The following TAS2R1 variants were observed in gnomAD, a reference collection of about 807,000 sequenced individuals.
TAS2R1 encodes taste 2 receptor member 1, also known as taste receptor type 2 member 1.
For missense variants in TAS2R1, 370 were observed against 353.4 expected, an observed-to-expected ratio of 1.05 and a Z score of -0.38; for synonymous variants, 141 against 134.2, an observed-to-expected ratio of 1.05 and a Z score of -0.35.
At chr5:9,720,299 G>T in the TAS2R1 span, among the ~76,000 whole-genome samples, 1 of 152,240 alleles carries the variant, frequency 6.6e-6, no homozygotes, top group Non-Finnish European at 1.5e-5. Context: ...TCTGGGCTGG[G>T]CTTTCCTGGG....
At chr5:9,729,409 G>A in the TAS2R1 span, among the ~76,000 whole-genome samples, 6 of 152,188 alleles carry the variant, frequency 3.9e-5, no homozygotes, top group East Asian at 3.9e-4. Context: ...ACTGCTGCTC[G>A]TGGCTCTTTT....
intron 1 of TAS2R1, among the ~76,000 whole-genome samples, chr5:9,682,179 C>T (rs1345272840): frequency 1.3e-5 from 2 of 152,168 alleles, no homozygotes; most frequent in African/African-American, 4.8e-5. Flanking sequence ...CACTATTTTT[C>T]CTTGCCAAAA....
the TAS2R1 span, among the ~76,000 whole-genome samples, chr5:9,816,425 GA>G: frequency 2.6e-5 from 4 of 151,408 alleles, no homozygotes; most frequent in African/African-American, 4.9e-5. Flanking sequence ...TTTAAAAACA[GA>G]AAAAAAATGA....
At chr5:9,797,386 G>C in the TAS2R1 span, among the ~76,000 whole-genome samples, 7 of 152,224 alleles carry the variant, frequency 4.6e-5, no homozygotes, top group African/African-American at 1.7e-4. Context: ...ATAGCATGTG[G>C]GGTACTTGGA....
the TAS2R1 span, among the ~76,000 whole-genome samples, chr5:9,777,732 A>G: frequency 6.6e-6 from 1 of 152,236 alleles, no homozygotes; most frequent in South Asian, 2.1e-4. Context: ...TAGCCTTATG[A>G]AAACATTTCT....
At chr5:9,741,895 CTG>C in the TAS2R1 span, among the ~76,000 whole-genome samples, 1 of 149,958 alleles carries the variant, frequency 6.7e-6, no homozygotes, top group Non-Finnish European at 1.5e-5. Context: ...ACAAACAAGA[CTG>C]TTTTTTTTTA....
the TAS2R1 span, among the ~76,000 whole-genome samples, chr5:9,865,401 C>CT: frequency 6.6e-6 from 1 of 152,172 alleles, no homozygotes; most frequent in South Asian, 2.1e-4. Flanking sequence ...CTCTTCTTCT[C>CT]ATGTTTGTAG....
chr5:9,677,705 C>T (rs554605965), intron 1 of TAS2R1, among the ~76,000 whole-genome samples: 25 of 152,248 alleles, frequency 1.6e-4, no homozygotes, highest in African/African-American at 5.5e-4. Context: ...GTGAAAGGAA[C>T]TCTCATTGAT....
chr5:9,752,083 C>G, the TAS2R1 span, among the ~76,000 whole-genome samples: 1 of 152,120 alleles, frequency 6.6e-6, no homozygotes, highest in Non-Finnish European at 1.5e-5. Flanking sequence ...TAAAATGACT[C>G]AAAAGCATGA....
chr5:9,632,115 T>C (rs562242551), upstream of TAS2R1, among the ~76,000 whole-genome samples: 1 of 152,206 alleles, frequency 6.6e-6, no homozygotes, highest in South Asian at 2.1e-4. Context: ...ATACTGTGCA[T>C]TAAATTCTAG....
the TAS2R1 span, among the ~76,000 whole-genome samples, chr5:9,893,987 G>T: frequency 6.6e-6 from 1 of 152,150 alleles, no homozygotes; most frequent in Non-Finnish European, 1.5e-5. Flanking sequence ...ATCTGTTAAA[G>T]TCCTAACCCC....
intron 1 of TAS2R1, among the ~76,000 whole-genome samples, chr5:9,699,251 A>G (rs1741426135): frequency 6.6e-6 from 1 of 152,238 alleles, no homozygotes; most frequent in Non-Finnish European, 1.5e-5. Context: ...ATAATCGAAC[A>G]TGTAAGTTCA....
At chr5:9,759,611 A>C in the TAS2R1 span, among the ~76,000 whole-genome samples, 5 of 152,228 alleles carry the variant, frequency 3.3e-5, no homozygotes, top group African/African-American at 9.6e-5. Flanking sequence ...GTTATGACTG[A>C]AAAATAGTTA....
the TAS2R1 span, among the ~76,000 whole-genome samples, chr5:9,861,037 G>GGTTTTTTTTTTTTTTTTTTTTTT: frequency 5.6e-5 from 5 of 88,626 alleles, 1 homozygote; most frequent in African/African-American, 2.1e-4. Flanking sequence ...GGAAGATGAG[G>GGTTTTTTTTTTTTTTTTTTTTTT]TTTTTTTTTT....
the TAS2R1 span, among the ~76,000 whole-genome samples, chr5:9,786,761 A>G: frequency 1.3e-5 from 2 of 152,214 alleles, no homozygotes; most frequent in Non-Finnish European, 1.5e-5. Flanking sequence ...GAAATAAGAT[A>G]AAATTAAGGA....
At chr5:9,821,589 C>T in the TAS2R1 span, among the ~76,000 whole-genome samples, 5 of 152,112 alleles carry the variant, frequency 3.3e-5, no homozygotes, top group African/African-American at 9.7e-5. Flanking sequence ...ACAGGAGGTG[C>T]CTGGGTATGA....
the TAS2R1 span, among the ~76,000 whole-genome samples, chr5:9,844,555 A>T: frequency 6.6e-6 from 1 of 152,174 alleles, no homozygotes; most frequent in Non-Finnish European, 1.5e-5. Flanking sequence ...CCTCAAATAC[A>T]TCTTGTTTGT....
chr5:9,673,953 T>C (rs1740819798), intron 1 of TAS2R1, among the ~76,000 whole-genome samples: 1 of 152,164 alleles, frequency 6.6e-6, no homozygotes, highest in Non-Finnish European at 1.5e-5. Flanking sequence ...TCCCACCCAA[T>C]GCTCCAGCCT....
chr5:9,858,918 G>A, the TAS2R1 span, among the ~76,000 whole-genome samples: 1 of 152,214 alleles, frequency 6.6e-6, no homozygotes, highest in Non-Finnish European at 1.5e-5. Context: ...GAATTAGTAG[G>A]TAGCAGACAA....
Sources: allele counts gnomAD v4.1 joint callset (sites outside exome capture counted in the v4.1 genomes callset), GRCh38; gene constraint gnomAD v4.1.1; transcripts MANE v1.5; gene names NCBI Gene and HGNC (gene_info 2026-07-23, HGNC 2026-07-21).